The following ALS2 variants were observed in gnomAD, a reference collection of about 807,000 sequenced individuals.
The protein encoded by ALS2 is alsin.
ALS2 carries 117 observed loss-of-function variants against 203.4 expected under a neutral mutation model. The ratio of observed to expected loss-of-function variants is 0.58; its 90% CI spans 0.50 to 0.67. The LOEUF is 0.67. Ranked by LOEUF, ALS2 falls within the 30% of genes least tolerant of loss-of-function variation. The pLI, the probability that ALS2 is intolerant of heterozygous loss-of-function variation, is 0.00. For missense variants in ALS2, 1,715 were observed against 1,989.4 expected (o/e 0.86, Z 2.62); for synonymous variants, 718 against 725.9 (o/e 0.99, Z 0.17).
At chr2:201,728,690 A>C (rs376224192) in intron 14 of ALS2, 50 bp from the exon 15 acceptor site, 14 of 1,588,030 alleles carry the variant, frequency 8.8e-6, no homozygotes, top group Non-Finnish European at 8.6e-6. Context: ...AAATTATTTT[A>C]ACATGTAAAG....
At chr2:201,710,327 T>G (rs1490436372) in intron 26 of ALS2, among the ~76,000 whole-genome samples, 1 of 151,954 alleles carries the variant, frequency 6.6e-6, no homozygotes, top group Non-Finnish European at 1.5e-5. Context: ...CTGGATGTGG[T>G]GGCTCATGCC....
chr2:201,761,843 GAAA>G, intron 3 of ALS2, 25 bp from the exon 4 acceptor site: 1 of 1,483,272 alleles, frequency 6.7e-7, no homozygotes, highest in South Asian at 1.2e-5. Context: ...AAAGAAAAAA[GAAA>G]AAAAAAAGGG....
rs946068681 is a variant in ALS2, at chr2:201,726,604, T to C, written c.3183-55A>G. 6 of 1,609,050 alleles carry C rather than the reference T, an allele frequency of 3.7e-6. No individual in the cohort carries two copies. In the African/African-American group the frequency reaches 6.7e-5, roughly 18 times the overall value. On this transcript the variant is annotated intron_variant, in intron 18 of 33. Coordinates refer to ENST00000264276, the MANE Select transcript of ALS2 (RefSeq NM_020919.4). ...GTCAACTAATATTTCAGATAATTAA[T>C]ACTTTTTCTATCATGTGATGATCAT...
At chr2:201,715,944 CA>C in intron 24 of ALS2, 105 bp from the exon 25 acceptor site, 1 of 1,203,390 alleles carries the variant, frequency 8.3e-7, no homozygotes, top group Admixed American at 1.7e-5. Flanking sequence ...TTTTCGTGAC[CA>C]AAACTGCCAA....
At chr2:201,757,106 C>T (rs777676134) in intron 5 of ALS2, among the ~76,000 whole-genome samples, 2 of 152,088 alleles carry the variant, frequency 1.3e-5, no homozygotes, top group Non-Finnish European at 2.9e-5. Flanking sequence ...TCTGGAGTAT[C>T]GGTCCCAATT....
chr2:201,709,899 C>T lies in ALS2; in HGVS notation c.4262G>A (p.Arg1421Gln), dbSNP rs770885030. The change falls in exon 27 of 34, where the codon CGA (arginine) becomes CAA (glutamine). Residue 1421 changes from arginine to glutamine, a missense_variant. Arg to Gln is a conservative substitution (Grantham distance 43). This residue lies in a region of ALS2 where 1,227 missense variants were observed against 1,413.5 expected (regional missense o/e 0.87). Transcript: ENST00000264276. Reference protein sequence around the residue: ...AVKEIKSYLKRIFQLVRFLFP... With the variant: ...AVKEIKSYLKQIFQLVRFLFP... ...CTCTTACCTCACCAGCTGGAAAATT[C>T]GCTTAAGATAGGACTTAATCTCCTT... is the stretch of plus-strand genomic sequence containing the variant. The T allele has an allele frequency of 7.4e-6, 12 of 1,614,124 alleles. No homozygotes were observed. The East Asian group carries it at 1.6e-4, about 21-fold the overall frequency.
intron 1 of ALS2, among the ~76,000 whole-genome samples, chr2:201,769,162 T>G (rs1694250648): frequency 1.3e-5 from 2 of 152,160 alleles, no homozygotes. Context: ...TCAAATGTAA[T>G]GTCAAAGGAA....
At chr2:201,758,757 C>CGT (rs1278092849) in intron 4 of ALS2, among the ~76,000 whole-genome samples, 7 of 72,700 alleles carry the variant, frequency 9.6e-5, no homozygotes, top group Admixed American at 1.7e-4. Flanking sequence ...TGTGTGTGTG[C>CGT]GCATGTGTGT....
chr2:201,704,144 C>A lies in ALS2; in HGVS notation c.4913G>T (p.Gly1638Val). The change falls in exon 33 of 34, where the codon GGT (glycine) becomes GTT (valine). Residue 1638 changes from glycine (G) to valine (V), a missense_variant. By Grantham distance (109) the Gly-to-Val change is moderately radical. Transcript: ENST00000264276. ...CACCTTCAAGGTGGTGAACATTATA[C>A]CCTGTTCCCCATGCTGAAGATAGGG... The part of the protein sequence containing the change: ...MDPYLQHGEQ[G>V]IMFTTLKACY... 1.2e-6 allele frequency: 2 copies of A among 1,613,150 alleles called. No homozygotes were observed. Among genetic ancestry groups the A allele is most frequent in the Non-Finnish European group, 1.7e-6 (2 of 1,179,140 alleles).
intron 23 of ALS2, among the ~76,000 whole-genome samples, chr2:201,721,244 A>G (rs1574692190): frequency 6.6e-6 from 1 of 152,360 alleles, no homozygotes; most frequent in South Asian, 2.1e-4. Context: ...TCCCCAAATT[A>G]ATCTATAGAT....
At chr2:201,742,903 C>T (rs915016994) in intron 10 of ALS2, among the ~76,000 whole-genome samples, 5 of 151,946 alleles carry the variant, frequency 3.3e-5, no homozygotes, top group African/African-American at 7.3e-5. Context: ...AAAACCCCGT[C>T]TCTATTAAAA....
rs754181704 is a variant in ALS2 at position 201,761,776 on chromosome 2, C to G, written c.218G>C (p.Gly73Ala). 1 of 1,613,778 alleles carries G rather than the reference C, an allele frequency of 6.2e-7. No homozygotes were observed. Among genetic ancestry groups the G allele is most frequent in the South Asian group, 1.1e-5 (1 of 91,060 alleles). The change falls in exon 4 of 34, where the codon GGA (glycine) becomes GCA (alanine). Residue 73 changes from glycine (G) to alanine (A), a missense_variant. Physicochemically the swap from Gly to Ala is moderately conservative, Grantham distance 60 (BLOSUM62 0). Around this residue, in one of 3 missense-constraint regions of ALS2, gnomAD observed 476 missense variants for 539.3 expected, o/e 0.88. Transcript: ENST00000264276. ...YSFGTLPWRSGPVEICPSSPI... is the reference protein window; with the variant it reads ...YSFGTLPWRSAPVEICPSSPI... Reference sequence around the variant, plus strand: ...GCTACTTGGACAAATCTCCACTGGTCCACTTCTCCAGGGAAGAGTCCCAAA... The same window carrying G: ...GCTACTTGGACAAATCTCCACTGGTGCACTTCTCCAGGGAAGAGTCCCAAA...
At chr2:201,703,468 C>T (rs1327489541) in intron 33 of ALS2, among the ~76,000 whole-genome samples, 1 of 152,146 alleles carries the variant, frequency 6.6e-6, no homozygotes, top group Non-Finnish European at 1.5e-5. Context: ...CAGTCACATA[C>T]TATTTTATCT....
At chr2:201,712,154 T>C (rs1690071981) in intron 25 of ALS2, among the ~76,000 whole-genome samples, 1 of 152,344 alleles carries the variant, frequency 6.6e-6, no homozygotes, top group East Asian at 1.9e-4. Flanking sequence ...GCAAAAATTA[T>C]ACTATGGTTT....
chr2:201,719,690 A>G (rs1690646677), intron 23 of ALS2, among the ~76,000 whole-genome samples: 1 of 152,250 alleles, frequency 6.6e-6, no homozygotes, highest in African/African-American at 2.4e-5. Flanking sequence ...GCCTCAGCCA[A>G]GAAGGCCTTC....
At chr2:201,722,435 T>C (rs1044455223) in intron 23 of ALS2, 3 of 152,322 alleles carry the variant, frequency 2.0e-5, no homozygotes, top group East Asian at 1.9e-4. Flanking sequence ...TTTCTTAATA[T>C]GTTAAACATC....
chr2:201,706,807 T>C (rs2105967283), intron 29 of ALS2, 39 bp downstream of exon 29: 1 of 1,611,984 alleles, frequency 6.2e-7, no homozygotes, highest in East Asian at 2.2e-5. Flanking sequence ...GCATTTTAAA[T>C]TAAAACCATT....
At chr2:201,770,256 C>T (rs866428958) in intron 1 of ALS2, among the ~76,000 whole-genome samples, 2 of 152,202 alleles carry the variant, frequency 1.3e-5, no homozygotes, top group Non-Finnish European at 2.9e-5. Context: ...TGGAAGCACA[C>T]AAGCACACCT....
At position 201,734,467 on chromosome 2, in the gene ALS2, CA is replaced by C. The variant is rs576164468; in HGVS notation, c.2418-1030del. ...ACCAGCCCGGGTGACCAGCCTGTCT[CA>C]AAAAAAAAAAAAGATCTTAGATAAA... On this transcript the variant is annotated intron_variant, in intron 12 of 33. Transcript: ENST00000264276. Among the ~76,000 whole-genome samples, 1,095 of 131,840 alleles carry C rather than the reference CA, an allele frequency of 8.3e-3. 12 individuals are homozygous for C. Among genetic ancestry groups the C allele is most frequent in the African/African-American group, 0.022 (778 of 35,384 alleles). The allele number at this position is 131,840 out of a possible 152,430, so 86.5% of individuals were successfully genotyped here.
Sources: allele counts gnomAD v4.1 joint callset (sites outside exome capture counted in the v4.1 genomes callset), GRCh38; gene constraint gnomAD v4.1.1; regional missense constraint gnomAD v4.1.1; transcripts MANE v1.5; gene names NCBI Gene and HGNC (gene_info 2026-07-23, HGNC 2026-07-21).